Variants in THSD4 observed in about 807,000 individuals in gnomAD.
The protein encoded by THSD4 is thrombospondin type-1 domain-containing protein 4.
Under a neutral mutation model 119.0 loss-of-function variants are expected in THSD4, and 69 were observed. The observed-to-expected ratio is 0.58, with a 90% CI of 0.48 to 0.71. THSD4 has a LOEUF of 0.71. Among genes scored for constraint, THSD4 ranks in the 30% least tolerant of loss-of-function variants. The probability of loss-of-function intolerance (pLI) is 0.00; values close to 1 mark genes in which losing one functional copy is unlikely to be tolerated. For synonymous variants in THSD4, 524 were observed against 540.4 expected (o/e 0.97, Z 0.42); for missense variants, 1,393 against 1,391.1 (o/e 1.00, Z -0.02).
At chr15:71,364,008 A>C (rs1049888183) in intron 6 of THSD4, among the ~76,000 whole-genome samples, 21 of 152,142 alleles carry the variant, frequency 1.4e-4, no homozygotes, top group African/African-American at 5.1e-4. Context: ...GTATTCATTA[A>C]AGTTGTGTTA....
At chr15:71,504,466 A>G (rs921497741) in intron 7 of THSD4, among the ~76,000 whole-genome samples, 6 of 152,232 alleles carry the variant, frequency 3.9e-5, no homozygotes, top group Non-Finnish European at 8.8e-5. Flanking sequence ...GTAAAGACTA[A>G]AGTCACACAT....
intron 6 of THSD4, among the ~76,000 whole-genome samples, chr15:71,303,974 A>G (rs946668134): frequency 2.0e-4 from 30 of 151,970 alleles, no homozygotes; most frequent in Non-Finnish European, 4.0e-4. Flanking sequence ...TCTGGCTATG[A>G]CCTTCAGGAT....
intron 6 of THSD4, among the ~76,000 whole-genome samples, chr15:71,281,413 C>T (rs969967705): frequency 3.3e-5 from 5 of 152,188 alleles, no homozygotes; most frequent in African/African-American, 1.2e-4. Flanking sequence ...AAATGTGATT[C>T]AAGCGAAAGC....
At chr15:71,232,300 T>G (rs2044067620) in intron 4 of THSD4, among the ~76,000 whole-genome samples, 1 of 152,190 alleles carries the variant, frequency 6.6e-6, no homozygotes, top group African/African-American at 2.4e-5. Flanking sequence ...GTAGCCTTTA[T>G]TGACCCATTC....
intron 6 of THSD4, among the ~76,000 whole-genome samples, chr15:71,276,232 T>C (rs556950840): frequency 6.6e-6 from 1 of 152,364 alleles, no homozygotes; most frequent in Admixed American, 6.5e-5. Flanking sequence ...CTGGAATAAT[T>C]ATTTATTGCC....
intron 7 of THSD4, among the ~76,000 whole-genome samples, chr15:71,608,261 C>T (rs1266811071): frequency 3.9e-4 from 50 of 126,820 alleles, no homozygotes; most frequent in Admixed American, 8.6e-4. Context: ...CACACACACA[C>T]ACACACACAC....
At chr15:71,736,543 C>G (rs1189849798) in intron 10 of THSD4, among the ~76,000 whole-genome samples, 1 of 151,370 alleles carries the variant, frequency 6.6e-6, no homozygotes, top group Non-Finnish European at 1.5e-5. Flanking sequence ...TGCTCTCTGT[C>G]TCTCTCTCTC....
intron 7 of THSD4, among the ~76,000 whole-genome samples, chr15:71,612,767 A>G (rs763510273): frequency 2.6e-5 from 4 of 152,246 alleles, no homozygotes; most frequent in Non-Finnish European, 5.9e-5. Context: ...ATGCATTGAT[A>G]TGGCTCAAAG....
At chr15:71,172,682 CATAT>C (rs71152331) in intron 3 of THSD4, among the ~76,000 whole-genome samples, 1,606 of 23,932 alleles carry the variant, frequency 0.067, 42 homozygotes, top group East Asian at 0.097. Context: ...TAGACCTATA[CATAT>C]ATATATATAT....
At chr15:71,306,900 A>G (rs1224434655) in intron 6 of THSD4, among the ~76,000 whole-genome samples, 2 of 152,212 alleles carry the variant, frequency 1.3e-5, no homozygotes, top group African/African-American at 4.8e-5. Context: ...CTTTAGAAAT[A>G]CCAGTTTGAA....
chr15:71,172,733 A>G lies in THSD4; in HGVS notation c.99+17801A>G, dbSNP rs1185730936. Among the ~76,000 whole-genome samples, 156 of 93,946 alleles carry G rather than the reference A, an allele frequency of 1.7e-3. 7 individuals carry two copies. The highest frequency in any genetic ancestry group is 8.1e-3 in the African/African-American group (151 of 18,670). The allele number at this position is 93,946 out of a possible 152,430, so 61.6% of individuals were successfully genotyped here. A position where few individuals can be genotyped will look rare whatever the true frequency, so the allele number is the denominator to read the frequency against. On this transcript the variant is annotated intron_variant, in intron 3 of 17. Coordinates refer to ENST00000261862, the MANE Select transcript of THSD4 (RefSeq NM_024817.3). ...TATATATATATATATATATATATAT[A>G]TGTGGACAATTGATTTTTTATAAAG...
At chr15:71,658,684 T>C (rs1334693376) in intron 7 of THSD4, among the ~76,000 whole-genome samples, 3 of 152,202 alleles carry the variant, frequency 2.0e-5, no homozygotes, top group Non-Finnish European at 2.9e-5. Context: ...TTATTTTTTC[T>C]GCTAAAATGT....
intron 7 of THSD4, among the ~76,000 whole-genome samples, chr15:71,657,558 G>A (rs1004071892): frequency 6.6e-6 from 1 of 152,180 alleles, no homozygotes; most frequent in Non-Finnish European, 1.5e-5. Flanking sequence ...GAGATATTTG[G>A]TAACTCCATG....
intron 8 of THSD4, among the ~76,000 whole-genome samples, chr15:71,694,490 T>C (rs2052121739): frequency 6.6e-6 from 1 of 152,240 alleles, no homozygotes; most frequent in Non-Finnish European, 1.5e-5. Context: ...GCAAGTTGCC[T>C]GGCAATTTAA....
intron 7 of THSD4, among the ~76,000 whole-genome samples, chr15:71,482,336 G>T (rs530593245): frequency 1.3e-3 from 196 of 146,546 alleles, no homozygotes; most frequent in African/African-American, 4.8e-3. Context: ...TGTTGCCCAG[G>T]CTGGAGTGCA....
At chr15:71,129,567 C>T (rs576604896) in intron 1 of THSD4, among the ~76,000 whole-genome samples, 16 of 152,172 alleles carry the variant, frequency 1.1e-4, no homozygotes, top group Non-Finnish European at 1.8e-4. Flanking sequence ...AAGGATGTGC[C>T]TCTCTTGGTT....
chr15:71,376,437 G>C (rs1486004976), intron 6 of THSD4, among the ~76,000 whole-genome samples: 2 of 152,118 alleles, frequency 1.3e-5, no homozygotes, highest in Admixed American at 1.3e-4. Context: ...ACTCTTCTGG[G>C]TCTTGATTGA....
chr15:71,417,252 GTCCATTTT>G lies in THSD4; in HGVS notation c.1152+5431_1152+5438del, dbSNP rs1298773694. On this transcript the variant is annotated intron_variant, in intron 7 of 17. Coordinates refer to ENST00000261862, the MANE Select transcript of THSD4 (RefSeq NM_024817.3). ...TTTTTAACTTGATGTGGTCTGATTT[GTCCATTTT>G]TGCTTTGGTTGCCTGTGTTTGTGGG... Among the ~76,000 whole-genome samples, 7 of 107,652 alleles carry G rather than the reference GTCCATTTT, an allele frequency of 6.5e-5. 2 individuals are homozygous for G. The highest frequency in any genetic ancestry group is 1.9e-4 in the African/African-American group (6 of 31,536). 70.6% of individuals were successfully genotyped at this position (107,652 alleles called of 152,430 possible).
chr15:71,442,660 G>GTGTGTGTGTGTATGTATATA, intron 7 of THSD4, among the ~76,000 whole-genome samples: 4 of 25,818 alleles, frequency 1.5e-4, no homozygotes, highest in Non-Finnish European at 3.7e-4. Flanking sequence ...GTGTGTGTGT[G>GTGTGTGTGTGTATGTATATA]TATATATATA....
Sources: gnomAD v4.1 joint callset for allele counts (sites outside exome capture counted in the v4.1 genomes callset) on GRCh38, gnomAD v4.1.1 for gene constraint, MANE v1.5 for transcripts, NCBI Gene and HGNC (gene_info 2026-07-23, HGNC 2026-07-21) for gene names.